TP53BP1: variants seen among roughly 807,000 people sequenced by gnomAD.
The protein encoded by TP53BP1 is TP53-binding protein 1.
Under a neutral mutation model 200.8 loss-of-function variants are expected in TP53BP1, and 61 were observed. The observed-to-expected ratio is 0.30, with a 90% CI of 0.25 to 0.38. The LOEUF is 0.38. TP53BP1 is among the 10% of genes least tolerant of loss of function. The probability of loss-of-function intolerance (pLI) is 1.00; values close to 1 mark genes in which losing one functional copy is unlikely to be tolerated. For synonymous variants in TP53BP1, 822 were observed against 844.3 expected (o/e 0.97, Z 0.46); for missense variants, 2,144 against 2,371.9 (o/e 0.90, Z 2.00).
Position 43,407,099 on chromosome 15 carries a change from C to T in TP53BP1, c.*284G>A, listed in dbSNP as rs562196437. 9.2e-6 allele frequency: 3 copies of T among 324,946 alleles called. No homozygotes were observed. The East Asian group carries it at 1.8e-4, about 20-fold the overall frequency. The allele number at this position is 324,946 out of a possible 1,614,324, so 20.1% of individuals were successfully genotyped here. A position where few individuals can be genotyped will look rare whatever the true frequency, so the allele number is the denominator to read the frequency against. On this transcript the variant is annotated 3_prime_UTR_variant, in exon 28 of 28. Coordinates refer to ENST00000382044, the MANE Select transcript of TP53BP1 (RefSeq NM_001141980.3). ...AAGTTCACTCTTAACTTTTCAATTTCCTTGGCCAGCTGTCCTCCGTAAGTG... is the reference window on the plus strand; with the variant it reads ...AAGTTCACTCTTAACTTTTCAATTTTCTTGGCCAGCTGTCCTCCGTAAGTG...
chr15:43,413,573 T>G (rs1382039137), intron 23 of TP53BP1, among the ~76,000 whole-genome samples: 1 of 152,250 alleles, frequency 6.6e-6, no homozygotes, highest in East Asian at 1.9e-4. Flanking sequence ...ACAGTCATGA[T>G]AATGTATACA....
chr15:43,431,476 C>G (rs534734421), intron 17 of TP53BP1, among the ~76,000 whole-genome samples: 82 of 152,234 alleles, frequency 5.4e-4, no homozygotes, highest in African/African-American at 2.0e-3. Context: ...AACTCCTGGG[C>G]TCAAGTAATC....
chr15:43,426,465 T>TA (rs1279025761), intron 18 of TP53BP1, among the ~76,000 whole-genome samples: 1 of 115,124 alleles, frequency 8.7e-6, no homozygotes, highest in Non-Finnish European at 1.8e-5. Flanking sequence ...AAAAAAGGAA[T>TA]AAAAAACAAT....
intron 10 of TP53BP1, 115 bp from the exon 11 acceptor site, chr15:43,470,181 C>G: frequency 2.3e-6 from 2 of 869,168 alleles, no homozygotes; most frequent in Admixed American, 2.5e-5. Context: ...AAAATAGTGA[C>G]GTAATTTTTC....
chr15:43,450,667 G>A (rs192848781), intron 12 of TP53BP1, among the ~76,000 whole-genome samples: 4 of 152,230 alleles, frequency 2.6e-5, no homozygotes, highest in Admixed American at 1.3e-4. Flanking sequence ...TTTAACAGGA[G>A]CTCTCCATAG....
At position 43,420,589 on chromosome 15, in the gene TP53BP1, T is replaced by C; in HGVS notation, c.4397A>G (p.Asp1466Gly). The C allele has an allele frequency of 6.2e-7, 1 of 1,613,858 alleles. No individual in the cohort carries two copies. The highest frequency in any genetic ancestry group is 1.1e-5 in the South Asian group (1 of 91,064). ...DVGAGALRRS[D>G]SPEIPFQAAA... is the part of the protein sequence containing the mutation. The stretch of plus-strand genomic sequence containing the variant: ...AGCCTGGAAAGGAATTTCTGGAGAG[T>C]CACTACGACGCAAAGCACCAGCACC... Residue 1466 changes from aspartate to glycine, a missense_variant, in exon 21 of 28, where the codon GAC becomes GGC. Asp to Gly is a moderately conservative substitution (Grantham distance 94). Transcript: ENST00000382044.
At chr15:43,415,418 G>T (rs764915145) in intron 23 of TP53BP1, 176 bp downstream of exon 23, 2 of 727,700 alleles carry the variant, frequency 2.7e-6, no homozygotes, top group African/African-American at 1.7e-5. Flanking sequence ...TGTAGGGGAT[G>T]GGGGAGGAGG....
intron 14 of TP53BP1, among the ~76,000 whole-genome samples, chr15:43,444,989 C>T (rs993104104): frequency 3.3e-5 from 5 of 152,092 alleles, no homozygotes; most frequent in Non-Finnish European, 5.9e-5. Flanking sequence ...AAATAACTCC[C>T]GCAAGCTTAG....
At chr15:43,465,245 T>C (rs1412072265) in intron 11 of TP53BP1, among the ~76,000 whole-genome samples, 1 of 151,912 alleles carries the variant, frequency 6.6e-6, no homozygotes, top group East Asian at 1.9e-4. Context: ...AGAAGAAATG[T>C]TGAGTGAGTG....
chr15:43,504,986 C>T (rs2079228656), intron 1 of TP53BP1, among the ~76,000 whole-genome samples: 2 of 152,052 alleles, frequency 1.3e-5, no homozygotes, highest in African/African-American at 4.8e-5. Flanking sequence ...TGCCACTGCA[C>T]TCCAGTCTGG....
At chr15:43,471,519 C>G (rs2046725533) in intron 10 of TP53BP1, among the ~76,000 whole-genome samples, 1 of 152,100 alleles carries the variant, frequency 6.6e-6, no homozygotes, top group Non-Finnish European at 1.5e-5. Context: ...CTCCGCCTCC[C>G]AGGTTCAAGT....
chr15:43,462,717 CCTTT>C (rs1417927259), intron 11 of TP53BP1, among the ~76,000 whole-genome samples: 3 of 152,252 alleles, frequency 2.0e-5, no homozygotes, highest in African/African-American at 7.2e-5. Context: ...GCTATAAATA[CCTTT>C]TTTTAAATGA....
intron 12 of TP53BP1, among the ~76,000 whole-genome samples, chr15:43,447,952 T>C (rs2143005852): frequency 6.6e-6 from 1 of 152,322 alleles, no homozygotes; most frequent in South Asian, 2.1e-4. Context: ...TTGAAGTTAA[T>C]ACTTATAATG....
intron 17 of TP53BP1, among the ~76,000 whole-genome samples, chr15:43,431,192 C>G (rs1036277958): frequency 6.6e-6 from 1 of 152,024 alleles, no homozygotes; most frequent in South Asian, 2.1e-4. Flanking sequence ...GTATTTAAAC[C>G]TTAGTATTTC....
chr15:43,417,663 G>C (rs1199384859), intron 21 of TP53BP1, among the ~76,000 whole-genome samples: 1 of 152,138 alleles, frequency 6.6e-6, no homozygotes, highest in Non-Finnish European at 1.5e-5. Context: ...CCTAAGAGTA[G>C]CTTTACACCT....
At chr15:43,501,254 T>C (rs2140177054) in intron 1 of TP53BP1, among the ~76,000 whole-genome samples, 1 of 151,448 alleles carries the variant, frequency 6.6e-6, no homozygotes, top group African/African-American at 2.4e-5. Flanking sequence ...GAGGCTAGAG[T>C]GCAATGGCTT....
At position 43,409,070 on chromosome 15, in the gene TP53BP1, T is replaced by C. The variant is rs1169949685; in HGVS notation, c.5427A>G (p.Leu1809=). The C allele has an allele frequency of 6.2e-7, 1 of 1,614,158 alleles. No homozygotes were observed. Among genetic ancestry groups the C allele is most frequent in the African/African-American group, 1.3e-5 (1 of 75,022 alleles). Residue 1809 remains leucine (L), a synonymous_variant, in exon 26 of 28, where the codon CTA becomes CTG. Transcript: ENST00000382044. The part of the protein sequence containing the change: ...AQCNTAYQCL[L]IADQHCRTRK... ...GGGTTCGACAATGCTGATCCGCAAT[T>C]AGAAGACACTGGTAAGCTGTGTTAC...
chr15:43,501,680 C>T (rs565721919), intron 1 of TP53BP1, among the ~76,000 whole-genome samples: 10 of 152,308 alleles, frequency 6.6e-5, no homozygotes, highest in African/African-American at 2.4e-4. Context: ...ATTAATTTTA[C>T]CTGTAATACT....
In TP53BP1 at chr15:43,493,040, G is replaced by A. The variant is rs559128141; in HGVS notation, c.4C>T (p.Pro2Ser). The A allele has an allele frequency of 1.1e-5, 18 of 1,613,110 alleles. No homozygotes were observed. The African/African-American group carries it at 1.7e-4, about 16-fold the overall frequency. The change falls in exon 1 of 28, where the codon CCT becomes TCT. Residue 2 changes from proline to serine, a missense_variant. Pro to Ser is a moderately conservative substitution (Grantham distance 74, BLOSUM62 -1). This residue lies in a region of TP53BP1 where 1,700 missense variants were observed against 1,710.3 expected (regional missense o/e 0.99). Coordinates refer to ENST00000382044, the MANE Select transcript of TP53BP1 (RefSeq NM_001141980.3). Reference sequence around the variant, plus strand: ...CCCATTTCTCTCCAAACAGTACCAGGCATCCCGGCGGGAGGTCCCTCGCGC... The same window carrying A: ...CCCATTTCTCTCCAAACAGTACCAGACATCCCGGCGGGAGGTCCCTCGCGC... M[P>S]GEQMDPTGSQ...
Sources: gnomAD v4.1 joint callset for allele counts (sites outside exome capture counted in the v4.1 genomes callset) on GRCh38, gnomAD v4.1.1 for gene constraint, gnomAD v4.1.1 regional missense constraint, MANE v1.5 for transcripts, NCBI Gene and HGNC (gene_info 2026-07-23, HGNC 2026-07-21) for gene names.